CDH7: variants seen among roughly 807,000 people sequenced by gnomAD.
CDH7 encodes cadherin-7.
Under a neutral mutation model 71.8 loss-of-function variants are expected in CDH7, and 25 were observed. The ratio of observed to expected loss-of-function variants is 0.35; its 90% confidence interval spans 0.25 to 0.49. CDH7 has a LOEUF of 0.49. Among genes scored for constraint, CDH7 ranks in the 20% least tolerant of loss-of-function variants. CDH7 has a pLI of 0.99. For synonymous variants in CDH7, 381 were observed against 363.8 expected (o/e 1.05, Z -0.54); for missense variants, 862 against 974.6 (o/e 0.88, Z 1.54).
intron 2 of CDH7, among the ~76,000 whole-genome samples, chr18:65,798,282 G>A (rs1369453390): frequency 6.6e-6 from 1 of 152,152 alleles, no homozygotes; most frequent in Non-Finnish European, 1.5e-5. Flanking sequence ...CACTGCCTGG[G>A]GCTACAACTT....
chr18:65,775,554 T>A (rs936858458), intron 2 of CDH7, among the ~76,000 whole-genome samples: 5 of 152,194 alleles, frequency 3.3e-5, no homozygotes, highest in Non-Finnish European at 5.9e-5. Flanking sequence ...ACCTAAAGGA[T>A]AAGGCAGGGA....
At chr18:65,754,268 G>C (rs2143768716) in intron 1 of CDH7, among the ~76,000 whole-genome samples, 1 of 152,246 alleles carries the variant, frequency 6.6e-6, no homozygotes, top group Non-Finnish European at 1.5e-5. Flanking sequence ...TTTTCTTTCT[G>C]TGTTTGATAA....
intron 6 of CDH7, among the ~76,000 whole-genome samples, chr18:65,838,617 G>C (rs1433465809): frequency 1.3e-5 from 2 of 152,158 alleles, no homozygotes; most frequent in East Asian, 1.9e-4. Flanking sequence ...TTGGCTAAAG[G>C]TGCGAGATAT....
At chr18:65,787,725 C>T (rs1910567388) in intron 2 of CDH7, among the ~76,000 whole-genome samples, 1 of 152,188 alleles carries the variant, frequency 6.6e-6, no homozygotes, top group Non-Finnish European at 1.5e-5. Flanking sequence ...AGAGGAGCTG[C>T]TCTCAGTTTT....
At chr18:65,767,673 T>C (rs1916416933) in intron 2 of CDH7, among the ~76,000 whole-genome samples, 1 of 152,180 alleles carries the variant, frequency 6.6e-6, no homozygotes, top group African/African-American at 2.4e-5. Flanking sequence ...GTAAAGGCAT[T>C]TGTTCTCTGT....
At chr18:65,767,791 G>A (rs1484884590) in intron 2 of CDH7, among the ~76,000 whole-genome samples, 2 of 152,144 alleles carry the variant, frequency 1.3e-5, no homozygotes. Flanking sequence ...ATACTTCTTG[G>A]CAGTTATATT....
At position 65,889,702 on chromosome 18, in the gene CDH7, AT is replaced by A. The variant is rs1225781286; in HGVS notation, c.*8809del. On this transcript the variant is annotated 3_prime_UTR_variant, in exon 12 of 12. Coordinates refer to ENST00000397968, the MANE Select transcript of CDH7 (RefSeq NM_004361.5). The stretch of plus-strand genomic sequence containing the variant: ...AAGAGTGTATTTAAGATTTAAATAT[AT>A]CTTTGAAGCTAGAAGTACTATGGAG... The A allele has an allele frequency of 3.3e-5, 5 of 152,200 alleles. No homozygotes were observed. The highest frequency in any genetic ancestry group is 5.9e-5 in the Non-Finnish European group (4 of 68,038). 9.4% of individuals were successfully genotyped at this position (152,200 alleles called of 1,614,324 possible).
rs561127467 is a variant in CDH7 at position 65,871,939 on chromosome 18, G to T, written c.1865-8462G>T. On this transcript the variant is annotated intron_variant, in intron 11 of 11. Transcript: ENST00000397968. ...ATCAGCTCTTGCCATACAAGAGGCA[G>T]TTGAACCTGGGGTTTCACTGGGCTC... Among the ~76,000 whole-genome samples, 11 of 152,244 alleles carry T rather than the reference G, an allele frequency of 7.2e-5. No individual in the cohort carries two copies. The South Asian group carries it at 2.3e-3, about 32-fold the overall frequency.
intron 6 of CDH7, among the ~76,000 whole-genome samples, chr18:65,830,755 T>C (rs1174245635): frequency 6.7e-6 from 1 of 149,732 alleles, no homozygotes. Context: ...TCCTCTTTCT[T>C]TTCTCTCTCT....
In CDH7 at chr18:65,762,834, A is replaced by AG. The variant is rs766765265; in HGVS notation, c.-9_-8insG. 9 of 1,599,932 alleles carry AG rather than the reference A, an allele frequency of 5.6e-6. 1 individual carries two copies. The South Asian group carries it at 1.0e-4, about 18-fold the overall frequency. On this transcript the variant is annotated 5_prime_UTR_variant, in exon 2 of 12. Transcript: ENST00000397968. ...TTTCTTACACAGGAAAAAGAAAGAA[A>AG]AAAAAAAGATGAAGTTGGGCAAAGT...
chr18:65,849,672 C>T (rs1913076386), intron 7 of CDH7, among the ~76,000 whole-genome samples: 1 of 151,754 alleles, frequency 6.6e-6, no homozygotes, highest in Non-Finnish European at 1.5e-5. Context: ...CTCAGCCTCC[C>T]AAAGTGCTGG....
At chr18:65,833,802 G>A (rs1299570271) in intron 6 of CDH7, among the ~76,000 whole-genome samples, 1 of 152,052 alleles carries the variant, frequency 6.6e-6, no homozygotes, top group Non-Finnish European at 1.5e-5. Flanking sequence ...TTTACATGTC[G>A]ACATGTTTGA....
In CDH7 at chr18:65,782,170, C is replaced by CTTTCTTTCT. The variant is rs1910330184; in HGVS notation, c.210+19121_210+19129dup. ...TCTTTCTTTCTTTCTTTCTTCCTTT[C>CTTTCTTTCT]TTTCTTTCTTTCTTTCTTGACAGAG... On this transcript the variant is annotated intron_variant, in intron 2 of 11. Coordinates refer to ENST00000397968, the MANE Select transcript of CDH7 (RefSeq NM_004361.5). 1.7e-5 allele frequency among the ~76,000 whole-genome samples: 2 copies of CTTTCTTTCT among 120,060 alleles called. 1 individual carries two copies. Among genetic ancestry groups the CTTTCTTTCT allele is most frequent in the African/African-American group, 7.7e-5 (2 of 25,970 alleles). 78.8% of individuals were successfully genotyped at this position (120,060 alleles called of 152,430 possible).
intron 2 of CDH7, among the ~76,000 whole-genome samples, chr18:65,767,359 G>T (rs1916409179): frequency 6.6e-6 from 1 of 152,006 alleles, no homozygotes; most frequent in African/African-American, 2.4e-5. Context: ...ATTGAAAATA[G>T]GTTGTGTTTA....
intron 10 of CDH7, among the ~76,000 whole-genome samples, chr18:65,862,281 G>A (rs2144037223): frequency 6.6e-6 from 1 of 152,202 alleles, no homozygotes; most frequent in Non-Finnish European, 1.5e-5. Context: ...TGTGCTATAT[G>A]ATGATACTGC....
chr18:65,861,496 G>C (rs1913565159), intron 10 of CDH7, among the ~76,000 whole-genome samples: 1 of 151,906 alleles, frequency 6.6e-6, no homozygotes, highest in Non-Finnish European at 1.5e-5. Flanking sequence ...AAATGTACAG[G>C]AACTTACTCA....
intron 4 of CDH7, among the ~76,000 whole-genome samples, chr18:65,817,928 C>A (rs1382930618): frequency 6.6e-6 from 1 of 152,156 alleles, no homozygotes; most frequent in Non-Finnish European, 1.5e-5. Flanking sequence ...AACTTTCAAG[C>A]ATCATGAGTA....
intron 7 of CDH7, among the ~76,000 whole-genome samples, chr18:65,855,463 A>G (rs1463509740): frequency 6.6e-6 from 1 of 152,246 alleles, no homozygotes; most frequent in African/African-American, 2.4e-5. Context: ...ATCTACTGAC[A>G]TAAGTTTTAT....
At chr18:65,874,217 G>A (rs1406127102) in intron 11 of CDH7, among the ~76,000 whole-genome samples, 1 of 152,240 alleles carries the variant, frequency 6.6e-6, no homozygotes, top group East Asian at 1.9e-4. Flanking sequence ...TTAAACTTAA[G>A]AAAGTGATAT....
Sources: gnomAD v4.1 joint callset for allele counts (sites outside exome capture counted in the v4.1 genomes callset) on GRCh38, gnomAD v4.1.1 for gene constraint, MANE v1.5 for transcripts, NCBI Gene and HGNC (gene_info 2026-07-23, HGNC 2026-07-21) for gene names.